Variants in ARHGAP22 observed in about 807,000 individuals in gnomAD.
The protein encoded by ARHGAP22 is rho GTPase-activating protein 22.
Under a neutral mutation model 59.1 loss-of-function variants are expected in ARHGAP22, and 48 were observed. That is an observed-to-expected ratio of 0.81 (90% confidence interval 0.64 to 1.03). The LOEUF (loss-of-function observed/expected upper bound fraction) is 1.03, where lower values mean the gene tolerates loss of function less well. Ranked by LOEUF, ARHGAP22 falls within the 50% of genes least tolerant of loss-of-function variation. ARHGAP22 has a pLI of 0.00. For synonymous variants in ARHGAP22, 445 were observed against 416.4 expected (o/e 1.07, Z -0.84); for missense variants, 1,015 against 958.7 (o/e 1.06, Z -0.78).
At chr10:48,544,023 C>T (rs2056203825) in intron 3 of ARHGAP22, among the ~76,000 whole-genome samples, 1 of 151,980 alleles carries the variant, frequency 6.6e-6, no homozygotes, top group Non-Finnish European at 1.5e-5. Context: ...ACTTGGGAGG[C>T]TGAGGCAGGG....
At chr10:48,556,896 G>A (rs190646763) in intron 2 of ARHGAP22, among the ~76,000 whole-genome samples, 11 of 152,214 alleles carry the variant, frequency 7.2e-5, no homozygotes, top group Admixed American at 6.5e-4. Context: ...TACTCACAGA[G>A]TACACACCCC....
At chr10:48,532,230 A>G (rs1240935313) in intron 3 of ARHGAP22, among the ~76,000 whole-genome samples, 1 of 152,026 alleles carries the variant, frequency 6.6e-6, no homozygotes, top group African/African-American at 2.4e-5. Context: ...CCTGTCCTCC[A>G]ATCTGGGCAG....
chr10:48,531,746 G>C (rs2054872194), intron 3 of ARHGAP22, among the ~76,000 whole-genome samples: 1 of 152,078 alleles, frequency 6.6e-6, no homozygotes, highest in African/African-American at 2.4e-5. Flanking sequence ...GTTAAGCTCA[G>C]ATTGGAACCC....
At chr10:48,474,880 TCCATAAGAGACACTGG>T (rs1422990500) in intron 4 of ARHGAP22, among the ~76,000 whole-genome samples, 4 of 152,206 alleles carry the variant, frequency 2.6e-5, no homozygotes, top group African/African-American at 9.7e-5. Flanking sequence ...TGTATCTATA[TCCATAAGAGACACTGG>T]TGTTCCAGCA....
chr10:48,633,850 G>A (rs574106248), intron 1 of ARHGAP22, among the ~76,000 whole-genome samples: 134 of 152,332 alleles, frequency 8.8e-4, no homozygotes, highest in Admixed American at 1.7e-3. Flanking sequence ...AGAGGGCTGG[G>A]CATGGGAGGA....
At chr10:48,460,497 G>A (rs2047034441) in intron 4 of ARHGAP22, among the ~76,000 whole-genome samples, 1 of 152,244 alleles carries the variant, frequency 6.6e-6, no homozygotes, top group African/African-American at 2.4e-5. Flanking sequence ...TGGCAAGGAT[G>A]TGGAGAAACT....
chr10:48,641,935 C>T (rs192601644), intron 1 of ARHGAP22, among the ~76,000 whole-genome samples: 1 of 152,152 alleles, frequency 6.6e-6, no homozygotes, highest in Admixed American at 6.5e-5. Flanking sequence ...CATTCCTATA[C>T]ACCAATAATA....
At chr10:48,476,579 CT>C (rs2048768186) in intron 4 of ARHGAP22, among the ~76,000 whole-genome samples, 2 of 152,236 alleles carry the variant, frequency 1.3e-5, no homozygotes, top group Admixed American at 6.5e-5. Context: ...TCTGGCATCG[CT>C]AACTCCTGAG....
Position 48,579,001 on chromosome 10 carries a change from G to T in ARHGAP22, c.234+3952C>A, listed in dbSNP as rs186885159. On this transcript the variant is annotated intron_variant, in intron 2 of 9. Coordinates refer to ENST00000249601, the MANE Select transcript of ARHGAP22 (RefSeq NM_021226.4). ...ACACTTTCTATTTTAAGGGATAGAT[G>T]AATCTAACCTATTCATGTTTATTAT... Among the ~76,000 whole-genome samples the T allele has an allele frequency of 1.8e-3, 269 of 151,732 alleles. 1 individual carries two copies. Among genetic ancestry groups the T allele is most frequent in the African/African-American group, 5.7e-3 (235 of 41,370 alleles).
chr10:48,610,068 TC>T (rs2060825402), upstream of ARHGAP22, among the ~76,000 whole-genome samples: 1 of 152,190 alleles, frequency 6.6e-6, no homozygotes, highest in African/African-American at 2.4e-5. Flanking sequence ...CACCCACTGT[TC>T]CTGGCTTCAG....
chr10:48,532,151 G>T (rs2054907630), intron 3 of ARHGAP22, among the ~76,000 whole-genome samples: 1 of 152,178 alleles, frequency 6.6e-6, no homozygotes, highest in Non-Finnish European at 1.5e-5. Flanking sequence ...ATCTACAGGT[G>T]AGGATATGGA....
At chr10:48,554,029 T>C (rs1418966540) in intron 3 of ARHGAP22, among the ~76,000 whole-genome samples, 1 of 152,234 alleles carries the variant, frequency 6.6e-6, no homozygotes, top group Non-Finnish European at 1.5e-5. Flanking sequence ...GGTTCCACAG[T>C]CAACCTCTGT....
At chr10:48,605,108 G>T (rs1000435729), upstream of ARHGAP22, 22 of 1,269,538 alleles carry the variant, frequency 1.7e-5, no homozygotes, top group African/African-American at 3.4e-4. Flanking sequence ...GCCTGGCCTG[G>T]GCGCACGCGT....
intron 1 of ARHGAP22, among the ~76,000 whole-genome samples, chr10:48,593,629 A>T (rs1395875321): frequency 6.6e-6 from 1 of 152,236 alleles, no homozygotes; most frequent in Non-Finnish European, 1.5e-5. Flanking sequence ...CAGTGTGAAG[A>T]TGCTGGACAA....
intron 3 of ARHGAP22, among the ~76,000 whole-genome samples, chr10:48,495,631 G>A (rs548301962): frequency 9.2e-5 from 12 of 130,072 alleles, no homozygotes; most frequent in East Asian, 3.9e-4. Flanking sequence ...AATGGCCCCC[G>A]GTGAACCTTC....
intron 2 of ARHGAP22, among the ~76,000 whole-genome samples, chr10:48,559,201 C>T (rs7088010): frequency 0.15 from 23,222 of 152,196 alleles, 1,870 homozygotes; most frequent in Admixed American, 0.23. Context: ...GAACCAGGCA[C>T]ACAGTTTGCA....
chr10:48,578,577 G>T (rs933369675), intron 2 of ARHGAP22, among the ~76,000 whole-genome samples: 1 of 150,634 alleles, frequency 6.6e-6, no homozygotes, highest in Non-Finnish European at 1.5e-5. Flanking sequence ...TTTGATCTTC[G>T]CTCTCTCATG....
At chr10:48,447,813 C>G (rs956119695) in intron 9 of ARHGAP22, among the ~76,000 whole-genome samples, 1 of 152,216 alleles carries the variant, frequency 6.6e-6, no homozygotes, top group African/African-American at 2.4e-5. Context: ...CTTCCCTCAG[C>G]TGCTCAGCTG....
upstream of ARHGAP22, among the ~76,000 whole-genome samples, chr10:48,609,446 A>G (rs1316506281): frequency 5.9e-5 from 9 of 152,168 alleles, no homozygotes; most frequent in Non-Finnish European, 5.9e-5. Flanking sequence ...ACCACTTTGG[A>G]ATTCCCATGT....
Sources: allele counts gnomAD v4.1 joint callset (sites outside exome capture counted in the v4.1 genomes callset), GRCh38; gene constraint gnomAD v4.1.1; transcripts MANE v1.5; gene names NCBI Gene and HGNC (gene_info 2026-07-23, HGNC 2026-07-21).